The following SORL1 variants were observed in gnomAD, a reference collection of about 807,000 sequenced individuals.
The protein encoded by SORL1 is sortilin-related receptor.
Under a neutral mutation model 273.7 loss-of-function variants are expected in SORL1, and 127 were observed. The observed-to-expected ratio is 0.46, with a 90% CI of 0.40 to 0.54. The LOEUF (loss-of-function observed/expected upper bound fraction) is 0.54, where lower values mean the gene tolerates loss of function less well. Ranked by LOEUF, SORL1 falls within the 20% of genes least tolerant of loss-of-function variation. The pLI is 0.00. For missense variants in SORL1, 2,494 were observed against 2,846.1 expected (o/e 0.88, Z 2.81); for synonymous variants, 1,031 against 1,067.4 (o/e 0.97, Z 0.66).
intron 44 of SORL1, 142 bp downstream of exon 44, chr11:121,621,380 G>A: frequency 1.4e-6 from 1 of 718,318 alleles, no homozygotes; most frequent in South Asian, 1.9e-5. Context: ...TACAGGGGCA[G>A]AGTAGTGCAG....
At chr11:121,517,934 C>G (rs776105808) in intron 8 of SORL1, among the ~76,000 whole-genome samples, 3 of 152,200 alleles carry the variant, frequency 2.0e-5, no homozygotes, top group Non-Finnish European at 4.4e-5. Flanking sequence ...GTGAAATGAG[C>G]AAGTCTTTGA....
Position 121,528,311 on chromosome 11 carries a change from A to G in SORL1, c.1597-4153A>G, listed in dbSNP as rs146315678. On this transcript the variant is annotated intron_variant, in intron 11 of 47. Coordinates refer to ENST00000260197, the MANE Select transcript of SORL1 (RefSeq NM_003105.6). ...TAGCAAAACTTTGTCTCTACAAAAA[A>G]TAAAAAAATTAACTGGGCATACCTG... Among the ~76,000 whole-genome samples the G allele has an allele frequency of 2.1e-4, 32 of 152,270 alleles. No individual in the cohort carries two copies. The East Asian group carries it at 5.8e-3, about 28-fold the overall frequency.
intron 1 of SORL1, among the ~76,000 whole-genome samples, chr11:121,469,083 G>A (rs1308844175): frequency 1.3e-5 from 2 of 152,224 alleles, no homozygotes; most frequent in Non-Finnish European, 2.9e-5. Flanking sequence ...GTTAGCGGAG[G>A]TCTTTTCCAT....
At chr11:121,615,139 C>T (rs1863621893) in intron 41 of SORL1, 84 bp downstream of exon 41, 13 of 1,203,852 alleles carry the variant, frequency 1.1e-5, no homozygotes, top group Non-Finnish European at 1.5e-5. Flanking sequence ...GGGCTTTTCT[C>T]TCTTTTGCAA....
At chr11:121,453,565 C>G (rs1860848696) in intron 1 of SORL1, among the ~76,000 whole-genome samples, 1 of 152,136 alleles carries the variant, frequency 6.6e-6, no homozygotes, top group African/African-American at 2.4e-5. Flanking sequence ...GGTAAATACA[C>G]TTGTTTTCTA....
chr11:121,454,590 A>G (rs2134760215), intron 1 of SORL1, among the ~76,000 whole-genome samples: 2 of 152,252 alleles, frequency 1.3e-5, no homozygotes, highest in South Asian at 4.2e-4. Context: ...TGAGGGTACA[A>G]GGGTGAGATT....
In SORL1 at chr11:121,589,280, A is replaced by C. The variant is rs201827027; in HGVS notation, c.3968A>C (p.Lys1323Thr). 76 of 1,613,402 alleles carry C rather than the reference A, an allele frequency of 4.7e-5. No individual in the cohort carries two copies. In the Admixed American group the frequency reaches 1.2e-3, roughly 26 times the overall value. Residue 1323 changes from lysine to threonine, a missense_variant, in exon 29 of 48, where the codon AAG becomes ACG. Around this residue, in one of 3 missense-constraint regions of SORL1, gnomAD observed 1,609 missense variants for 1,816.4 expected, o/e 0.89. Transcript: ENST00000260197. ...GTAGCCCAAGATCCTGAGTTCCACA[A>C]GGTATGTGATGAGTTCGGTTTCCAG... ...AGCSQDPEFH[K>T]VCDEFGFQCQ...
At chr11:121,478,046 AAAAAAAG>A in intron 2 of SORL1, 65 bp from the exon 3 acceptor site, 21 of 1,469,432 alleles carry the variant, frequency 1.4e-5, no homozygotes, top group Admixed American at 2.2e-5. Context: ...AAAAAAAAAA[AAAAAAAG>A]AAAGATCTTT....
At chr11:121,499,208 C>A (rs1239112138) in intron 6 of SORL1, among the ~76,000 whole-genome samples, 1 of 152,166 alleles carries the variant, frequency 6.6e-6, no homozygotes, top group Admixed American at 6.5e-5. Context: ...ATTCTTAACT[C>A]TCTGTATGGC....
chr11:121,503,959 T>C (rs1394156688), intron 6 of SORL1, among the ~76,000 whole-genome samples: 3 of 152,234 alleles, frequency 2.0e-5, no homozygotes, highest in Non-Finnish European at 4.4e-5. Context: ...TAGAGATTGA[T>C]CTACAGATTC....
At chr11:121,584,424 G>T (rs867923888) in intron 26 of SORL1, among the ~76,000 whole-genome samples, 1 of 152,158 alleles carries the variant, frequency 6.6e-6, no homozygotes, top group Non-Finnish European at 1.5e-5. Context: ...TCTCCAAATA[G>T]TGGTGCTTGT....
At chr11:121,623,318 C>A (rs17125558) in intron 45 of SORL1, among the ~76,000 whole-genome samples, 135 of 152,224 alleles carry the variant, frequency 8.9e-4, no homozygotes, top group African/African-American at 3.1e-3. Context: ...GGGAAGTAAA[C>A]GTTCTGGGAA....
At chr11:121,571,647 C>T (rs569295416) in intron 23 of SORL1, among the ~76,000 whole-genome samples, 18 of 152,346 alleles carry the variant, frequency 1.2e-4, no homozygotes, top group African/African-American at 3.8e-4. Context: ...GGCCTGTGCC[C>T]GGCTCCCCTG....
At chr11:121,576,941 A>G (rs1158345134) in intron 24 of SORL1, 3 of 1,533,566 alleles carry the variant, frequency 2.0e-6, no homozygotes, top group East Asian at 2.4e-5. Context: ...GGCCTCCTCT[A>G]TCACTGCTTC....
chr11:121,455,628 A>G (rs1159585580), intron 1 of SORL1, among the ~76,000 whole-genome samples: 1 of 152,234 alleles, frequency 6.6e-6, no homozygotes, highest in Non-Finnish European at 1.5e-5. Context: ...GGCTTCTGCC[A>G]TGATTACTTA....
chr11:121,494,626 A>C (rs111728705), intron 5 of SORL1, among the ~76,000 whole-genome samples: 5,037 of 152,304 alleles, frequency 0.033, 118 homozygotes, highest in Middle Eastern at 0.085. Context: ...AGACATTGGA[A>C]GTCTAAGTGA....
At chr11:121,533,549 GA>G in intron 12 of SORL1, among the ~76,000 whole-genome samples, 1 of 152,274 alleles carries the variant, frequency 6.6e-6, no homozygotes, top group African/African-American at 2.4e-5. Flanking sequence ...GTTCATGCTG[GA>G]CCACACTTCT....
chr11:121,509,969 A>T (rs1205904652), intron 6 of SORL1, among the ~76,000 whole-genome samples: 1 of 152,238 alleles, frequency 6.6e-6, no homozygotes, highest in Non-Finnish European at 1.5e-5. Flanking sequence ...TATCAAAAAT[A>T]CAAATTTTGA....
chr11:121,582,234 A>ACCAATT (rs1427743253), intron 25 of SORL1, among the ~76,000 whole-genome samples: 4 of 152,250 alleles, frequency 2.6e-5, no homozygotes, highest in Non-Finnish European at 5.9e-5. Context: ...ATGCAGTAAA[A>ACCAATT]TTCCTGAGGA....
Sources: gnomAD v4.1 joint callset for allele counts (sites outside exome capture counted in the v4.1 genomes callset) on GRCh38, gnomAD v4.1.1 for gene constraint, gnomAD v4.1.1 regional missense constraint, MANE v1.5 for transcripts, NCBI Gene and HGNC (gene_info 2026-07-23, HGNC 2026-07-21) for gene names.